IQCM: variants seen among roughly 807,000 people sequenced by gnomAD.
The protein encoded by IQCM is IQ motif containing M.
Under a neutral mutation model 57.6 loss-of-function variants are expected in IQCM, and 45 were observed. That is an observed-to-expected ratio of 0.78 (90% CI 0.62 to 1.00). The LOEUF is 1.00. Among genes scored for constraint, IQCM ranks in the 50% least tolerant of loss-of-function variants. IQCM has a pLI of 0.00. For synonymous variants in IQCM, 148 were observed against 158.9 expected, an observed-to-expected ratio of 0.93 and a Z score of 0.51; for missense variants, 468 against 511.6, an observed-to-expected ratio of 0.91 and a Z score of 0.82.
At chr4:149,737,894 G>A (rs1767087698) in intron 3 of IQCM, among the ~76,000 whole-genome samples, 1 of 151,814 alleles carries the variant, frequency 6.6e-6, no homozygotes, top group South Asian at 2.1e-4. Context: ...CCCTTTTTCT[G>A]ACTAATCAAA....
chr4:149,415,889 C>G (rs992042706), intron 13 of IQCM, among the ~76,000 whole-genome samples: 4 of 151,954 alleles, frequency 2.6e-5, no homozygotes, highest in African/African-American at 4.8e-5. Flanking sequence ...ACATCACACA[C>G]TGGGGCCTGT....
chr4:149,548,848 C>T (rs578053034), intron 11 of IQCM, among the ~76,000 whole-genome samples: 2 of 152,108 alleles, frequency 1.3e-5, no homozygotes, highest in African/African-American at 2.4e-5. Context: ...ACCATAAATC[C>T]TATAATGTCA....
At chr4:149,689,977 T>C (rs1430375849) in intron 5 of IQCM, among the ~76,000 whole-genome samples, 1 of 152,118 alleles carries the variant, frequency 6.6e-6, no homozygotes, top group Non-Finnish European at 1.5e-5. Context: ...TGTAAACTAA[T>C]ACAGCCAGTA....
chr4:149,558,169 C>A (rs1402493985), intron 10 of IQCM, among the ~76,000 whole-genome samples: 2 of 152,126 alleles, frequency 1.3e-5, no homozygotes, highest in Non-Finnish European at 2.9e-5. Flanking sequence ...CTCAATCTTT[C>A]TTTTTATGAT....
chr4:149,712,412 A>G (rs534438688), intron 5 of IQCM, among the ~76,000 whole-genome samples: 21 of 152,112 alleles, frequency 1.4e-4, no homozygotes, highest in Non-Finnish European at 2.8e-4. Flanking sequence ...CTCAGGGATC[A>G]GCATAACAGA....
chr4:149,392,999 G>A (rs1182853228), intron 13 of IQCM, among the ~76,000 whole-genome samples: 6 of 151,872 alleles, frequency 4.0e-5, no homozygotes, highest in Non-Finnish European at 8.8e-5. Flanking sequence ...GTGAGGCCCT[G>A]TTTCCAAAAA....
At chr4:149,591,455 G>C (rs1159575287) in intron 8 of IQCM, among the ~76,000 whole-genome samples, 3 of 146,588 alleles carry the variant, frequency 2.0e-5, no homozygotes, top group Non-Finnish European at 3.0e-5. Context: ...GTGGTTAAAG[G>C]TTTTTTTTTT....
intron 12 of IQCM, among the ~76,000 whole-genome samples, chr4:149,454,352 C>T (rs1223799047): frequency 6.6e-6 from 1 of 151,580 alleles, no homozygotes; most frequent in South Asian, 2.1e-4. Flanking sequence ...TTATCCTAAG[C>T]GAACTAATGC....
chr4:149,639,370 G>A (rs1757990728), intron 7 of IQCM, among the ~76,000 whole-genome samples: 1 of 150,656 alleles, frequency 6.6e-6, no homozygotes, highest in Non-Finnish European at 1.5e-5. Context: ...AGGCTGCAGT[G>A]AGCTATGATC....
At chr4:149,768,465 T>A (rs184753667) in intron 2 of IQCM, among the ~76,000 whole-genome samples, 1 of 152,118 alleles carries the variant, frequency 6.6e-6, no homozygotes, top group Non-Finnish European at 1.5e-5. Context: ...AAAAATTAAG[T>A]AGAGACATTA....
intron 10 of IQCM, among the ~76,000 whole-genome samples, chr4:149,561,091 T>G (rs936054300): frequency 6.6e-6 from 1 of 152,146 alleles, no homozygotes; most frequent in East Asian, 1.9e-4. Context: ...ATGCCAATGA[T>G]GGAATAAAAA....
intron 2 of IQCM, among the ~76,000 whole-genome samples, chr4:149,754,170 C>A (rs1768738216): frequency 6.6e-6 from 1 of 152,150 alleles, no homozygotes; most frequent in African/African-American, 2.4e-5. Context: ...CTTTGCCCTT[C>A]AGAATTGCCC....
intron 13 of IQCM, among the ~76,000 whole-genome samples, chr4:149,360,917 G>A (rs1437592788): frequency 6.6e-6 from 1 of 152,178 alleles, no homozygotes; most frequent in Admixed American, 6.5e-5. Flanking sequence ...AGTTTGGAGG[G>A]CTCAGAAGAA....
intron 13 of IQCM, among the ~76,000 whole-genome samples, chr4:149,410,186 C>A (rs762744209): frequency 6.7e-5 from 10 of 150,038 alleles, no homozygotes; most frequent in Non-Finnish European, 1.3e-4. Context: ...CCATTTAAAA[C>A]AAACAAACAA....
chr4:149,611,624 T>C (rs1755297111), intron 8 of IQCM, among the ~76,000 whole-genome samples: 1 of 152,052 alleles, frequency 6.6e-6, no homozygotes, highest in African/African-American at 2.4e-5. Flanking sequence ...ATATGGGAGC[T>C]AAAAAATAAT....
At chr4:149,355,728 G>C (rs1446588130) in intron 13 of IQCM, among the ~76,000 whole-genome samples, 1 of 152,052 alleles carries the variant, frequency 6.6e-6, no homozygotes, top group Non-Finnish European at 1.5e-5. Context: ...CTTTATAGCA[G>C]CATGATTTAT....
At position 149,424,225 on chromosome 4, in the gene IQCM, G is replaced by A. The variant is rs1031611059; in HGVS notation, c.1390+9171C>T. ...TGTAAAACTATTTTTAAATAGTTTTGAAATATGACATAATAAAATGGCCTC... is the reference window on the plus strand; with the variant it reads ...TGTAAAACTATTTTTAAATAGTTTTAAAATATGACATAATAAAATGGCCTC... On this transcript the variant is annotated intron_variant, in intron 13 of 13. Transcript: ENST00000636793. 2.6e-5 allele frequency among the ~76,000 whole-genome samples: 4 copies of A among 151,662 alleles called. No individual in the cohort carries two copies. In the South Asian group the frequency reaches 6.2e-4, roughly 24 times the overall value.
At chr4:149,754,037 G>A (rs934975584) in intron 2 of IQCM, among the ~76,000 whole-genome samples, 7 of 151,956 alleles carry the variant, frequency 4.6e-5, no homozygotes, top group Non-Finnish European at 8.8e-5. Flanking sequence ...TTTTGAACTG[G>A]CTCTCACCAG....
chr4:149,533,777 G>C (rs778534919), intron 12 of IQCM, among the ~76,000 whole-genome samples: 3 of 152,082 alleles, frequency 2.0e-5, no homozygotes, highest in Middle Eastern at 3.2e-3. Context: ...ACCTCCCACT[G>C]AATCCCTCCC....
Sources: gnomAD v4.1 joint callset for allele counts (sites outside exome capture counted in the v4.1 genomes callset) on GRCh38, gnomAD v4.1.1 for gene constraint, MANE v1.5 for transcripts, NCBI Gene and HGNC (gene_info 2026-07-23, HGNC 2026-07-21) for gene names.